Variants in DSC1 observed in about 807,000 individuals in gnomAD.
DSC1 encodes the protein desmocollin-1.
In DSC1, 79 loss-of-function variants were observed where a neutral mutation model predicts 98.8. The observed-to-expected ratio is 0.80, with a 90% CI of 0.67 to 0.96. The LOEUF is 0.96. DSC1 is among the 50% of genes least tolerant of loss of function. The pLI is 0.00. For missense variants in DSC1, 1,115 were observed against 1,075.9 expected (o/e 1.04, Z -0.51); for synonymous variants, 405 against 372.1 (o/e 1.09, Z -1.02).
At chr18:31,143,489 C>T (rs1409749935) in intron 8 of DSC1, among the ~76,000 whole-genome samples, 168 bp downstream of exon 8, 1 of 152,072 alleles carries the variant, frequency 6.6e-6, no homozygotes. Context: ...ATAACTAGTA[C>T]TTCAATTATT....
Position 31,131,799 on chromosome 18 carries a change from T to C in DSC1, c.2282A>G (p.Asp761Gly). The C allele has an allele frequency of 6.2e-7, 1 of 1,614,130 alleles. No homozygotes were observed. The highest frequency in any genetic ancestry group is 8.5e-7 in the Non-Finnish European group (1 of 1,179,988). Residue 761 changes from aspartate to glycine, a missense_variant, in exon 15 of 16, where the codon GAC becomes GGC. Transcript: ENST00000257198. ...AACAGTACCAACAGACATGCTTGTGTCACAAATGTTGGATGTCTGCATGGG... is the reference window on the plus strand; with the variant it reads ...AACAGTACCAACAGACATGCTTGTGCCACAAATGTTGGATGTCTGCATGGG... ...RLPMQTSNICDTSMSVGTVGG... is the reference protein window; with the variant it reads ...RLPMQTSNICGTSMSVGTVGG...
At chr18:31,159,640 C>T (rs555831559) in intron 1 of DSC1, 111 bp from the exon 2 acceptor site, 2 of 1,027,862 alleles carry the variant, frequency 1.9e-6, no homozygotes, top group African/African-American at 3.3e-5. Context: ...ACAAATTAAT[C>T]ATTTAATTCT....
At position 31,134,903 on chromosome 18, in the gene DSC1, C is replaced by T. The variant is rs1988577909; in HGVS notation, c.1664-119G>A. The T allele has an allele frequency of 1.2e-5, 11 of 896,054 alleles. No homozygotes were observed. The East Asian group carries it at 2.4e-4, about 20-fold the overall frequency. The allele number at this position is 896,054 out of a possible 1,614,324, so 55.5% of individuals were successfully genotyped here. A position where few individuals can be genotyped will look rare whatever the true frequency, so the allele number is the denominator to read the frequency against. The stretch of plus-strand genomic sequence containing the variant: ...AGCTGTCTGAGCTTGAGTTCGCATA[C>T]ATGCTTCCCAGATTTCAGACACCAA... On this transcript the variant is annotated intron_variant, in intron 11 of 15. Transcript: ENST00000257198.
chr18:31,156,027 A>C lies in DSC1; in HGVS notation c.471+16T>G. Reference sequence around the variant, plus strand: ...AAAAATTTGGACACATATAAAATCAAATAAGTGAAATGCACCTGCTGAACG... The same window carrying C: ...AAAAATTTGGACACATATAAAATCACATAAGTGAAATGCACCTGCTGAACG... On this transcript the variant is annotated intron_variant, in intron 4 of 15. Transcript: ENST00000257198. 6.2e-7 allele frequency: 1 copy of C among 1,606,734 alleles called. No individual in the cohort carries two copies. Among genetic ancestry groups the C allele is most frequent in the Non-Finnish European group, 8.5e-7 (1 of 1,178,196 alleles).
intron 8 of DSC1, 56 bp downstream of exon 8, chr18:31,143,601 C>T (rs1407616650): frequency 8.0e-6 from 11 of 1,371,508 alleles, no homozygotes; most frequent in African/African-American, 1.5e-5. Flanking sequence ...AAATTCTAGA[C>T]ATGTTTTTTG....
chr18:31,156,136 G>C lies in DSC1; in HGVS notation c.378C>G (p.Asp126Glu). Reference protein sequence around the residue: ...NKSPKKRHTKDTALKRSKRRW... With the variant: ...NKSPKKRHTKETALKRSKRRW... The stretch of plus-strand genomic sequence containing the variant: ...GTCTCTTGCTGCGCTTGAGGGCTGT[G>C]TCTTTGGTATGTCTCTTCTTAGGAG... Residue 126 changes from aspartate to glutamate, a missense_variant, in exon 4 of 16, where the codon GAC becomes GAG. Transcript: ENST00000257198. 1 of 1,614,042 alleles carries C rather than the reference G, an allele frequency of 6.2e-7. No individual in the cohort carries two copies. The highest frequency in any genetic ancestry group is 1.1e-5 in the South Asian group (1 of 91,046).
intron 6 of DSC1, among the ~76,000 whole-genome samples, chr18:31,147,287 A>G (rs1260702419): frequency 6.6e-6 from 1 of 152,148 alleles, no homozygotes; most frequent in East Asian, 1.9e-4. Context: ...AAAGATTCAA[A>G]TTACGTACTG....
chr18:31,139,628 C>T, intron 11 of DSC1, 120 bp downstream of exon 11: 1 of 1,065,360 alleles, frequency 9.4e-7, no homozygotes, highest in South Asian at 2.1e-5. Flanking sequence ...ATAACATGAA[C>T]AATAAAAATG....
chr18:31,145,646 C>T lies in DSC1; in HGVS notation c.904G>A (p.Val302Ile). ...AGAAAAGGTGTAGTTGTGGTGATGA[C>T]ACCGGTATCTGGGTGTATGGAGAAA... ...KHFSIHPDTG[V>I]ITTTTPFLDR... The change falls in exon 7 of 16, where the codon GTC becomes ATC. Residue 302 changes from valine (V) to isoleucine (I), a missense_variant. Physicochemically the swap from Val to Ile is conservative, Grantham distance 29. Transcript: ENST00000257198. The T allele has an allele frequency of 6.2e-7, 1 of 1,614,130 alleles. No individual in the cohort carries two copies. Among genetic ancestry groups the T allele is most frequent in the Non-Finnish European group, 8.5e-7 (1 of 1,180,014 alleles).
At chr18:31,132,825 A>C in intron 13 of DSC1, 136 bp from the exon 14 acceptor site, 1 of 741,088 alleles carries the variant, frequency 1.3e-6, no homozygotes, top group Non-Finnish European at 2.1e-6. Flanking sequence ...ATTTAAAAAC[A>C]GAATATTTTA....
rs1598621815 is a variant in DSC1, at chr18:31,145,757, T to C, written c.793A>G (p.Thr265Ala). Residue 265 changes from threonine (T) to alanine (A), a missense_variant, in exon 7 of 16, where the codon ACC (threonine) becomes GCC (alanine). Thr to Ala is a moderately conservative substitution (Grantham distance 58). Transcript: ENST00000257198. ...CRSGTSVGKV[T>A]ATDLDEPDTL... ...TCAGGTTCGTCAAGGTCTGTGGCGG[T>C]CACTTTTCCCACTGAAGTTCCTGTT... 1 of 1,613,700 alleles carries C rather than the reference T, an allele frequency of 6.2e-7. No homozygotes were observed. Among genetic ancestry groups the C allele is most frequent in the Non-Finnish European group, 8.5e-7 (1 of 1,179,914 alleles).
At chr18:31,145,894 TC>T in intron 6 of DSC1, 117 bp from the exon 7 acceptor site, 1 of 1,114,114 alleles carries the variant, frequency 9.0e-7, no homozygotes, top group Non-Finnish European at 1.3e-6. Context: ...GTAGATTAGT[TC>T]TACTGTTAAG....
At chr18:31,149,368 T>A (rs1264917891) in intron 5 of DSC1, among the ~76,000 whole-genome samples, 1 of 152,234 alleles carries the variant, frequency 6.6e-6, no homozygotes, top group African/African-American at 2.4e-5. Flanking sequence ...CTAGCTCTTC[T>A]AATTTTCCCT....
intron 4 of DSC1, among the ~76,000 whole-genome samples, chr18:31,155,693 G>A (rs976053490): frequency 7.6e-4 from 115 of 152,176 alleles, no homozygotes; most frequent in African/African-American, 2.6e-3. Context: ...TTTTATAAAA[G>A]ATGAGTGTTA....
At position 31,130,604 on chromosome 18, in the gene DSC1, G is replaced by A. The variant is rs1364299474; in HGVS notation, c.2595C>T (p.Cys865=). The A allele has an allele frequency of 8.1e-6, 13 of 1,614,168 alleles. No homozygotes were observed. Among genetic ancestry groups the A allele is most frequent in the Non-Finnish European group, 1.1e-5 (13 of 1,180,030 alleles). Residue 865 remains cysteine (C), a synonymous_variant, in exon 16 of 16, where the codon TGC becomes TGT. Transcript: ENST00000257198. ...KGSLAGSVGC[C]SDRQEEEGLE... is the part of the protein sequence containing the mutation. Reference sequence around the variant, plus strand: ...GTCCCTCTTCTTCCTGCCGATCGCTGCAGCAACCTACTGAGCCGGCCAGAG... The same window carrying A: ...GTCCCTCTTCTTCCTGCCGATCGCTACAGCAACCTACTGAGCCGGCCAGAG...
At chr18:31,155,749 T>C (rs1989085004) in intron 4 of DSC1, among the ~76,000 whole-genome samples, 1 of 152,230 alleles carries the variant, frequency 6.6e-6, no homozygotes, top group Non-Finnish European at 1.5e-5. Context: ...GTGTGCCTTC[T>C]GTACATTAGT....
chr18:31,159,559 G>T, intron 1 of DSC1, 30 bp from the exon 2 acceptor site: 10 of 1,532,046 alleles, frequency 6.5e-6, no homozygotes, highest in South Asian at 2.5e-5. Context: ...AAAATATCAG[G>T]AATTAAATTT....
intron 7 of DSC1, among the ~76,000 whole-genome samples, chr18:31,144,276 T>C (rs921432135): frequency 1.3e-5 from 2 of 152,158 alleles, no homozygotes; most frequent in Admixed American, 6.5e-5. Context: ...ATTGGCTGAT[T>C]GGTACAATGG....
chr18:31,160,888 G>GTA (rs1598633793), intron 1 of DSC1, among the ~76,000 whole-genome samples: 3 of 152,052 alleles, frequency 2.0e-5, no homozygotes, highest in East Asian at 1.9e-4. Context: ...GTGTATGTGT[G>GTA]TATATATATA....
Sources: gnomAD v4.1 joint callset for allele counts (sites outside exome capture counted in the v4.1 genomes callset) on GRCh38, gnomAD v4.1.1 for gene constraint, MANE v1.5 for transcripts, NCBI Gene and HGNC (gene_info 2026-07-23, HGNC 2026-07-21) for gene names.